Variants in ZDHHC21 observed in about 807,000 individuals in gnomAD.
The protein encoded by ZDHHC21 is palmitoyltransferase ZDHHC21.
Under a neutral mutation model 34.6 loss-of-function variants are expected in ZDHHC21, and 15 were observed. The observed-to-expected ratio is 0.43, with a 90% CI of 0.29 to 0.67. The LOEUF is 0.67. ZDHHC21 is among the 30% of genes least tolerant of loss of function. The pLI, the probability that ZDHHC21 is intolerant of heterozygous loss-of-function variation, is 0.14. For synonymous variants in ZDHHC21, 142 were observed against 101.8 expected, an observed-to-expected ratio of 1.40 and a Z score of -2.38; for missense variants, 344 against 327.7, an observed-to-expected ratio of 1.05 and a Z score of -0.38.
At chr9:14,675,669 G>A (rs542812574) in intron 3 of ZDHHC21, among the ~76,000 whole-genome samples, 85 of 151,832 alleles carry the variant, frequency 5.6e-4, no homozygotes, top group Non-Finnish European at 1.0e-3. Context: ...AAGAAGACAT[G>A]GTCTTTGCTT....
At chr9:14,674,131 A>C in intron 4 of ZDHHC21, 56 bp downstream of exon 4, 2 of 1,299,486 alleles carry the variant, frequency 1.5e-6, no homozygotes, top group South Asian at 3.9e-5. Context: ...TACACCCCAA[A>C]AACGTTTACA....
At chr9:14,594,150 G>A in the ZDHHC21 span, 1 of 152,156 alleles carries the variant, frequency 6.6e-6, no homozygotes, top group African/African-American at 2.4e-5. Flanking sequence ...GCTTTTTTCA[G>A]ATGTAGATAG....
At chr9:14,671,310 C>G (rs891125133) in intron 5 of ZDHHC21, among the ~76,000 whole-genome samples, 1 of 152,014 alleles carries the variant, frequency 6.6e-6, no homozygotes, top group Non-Finnish European at 1.5e-5. Context: ...TTAAGGGACC[C>G]TCACTCAATT....
the ZDHHC21 span, among the ~76,000 whole-genome samples, chr9:14,603,551 C>T: frequency 5.9e-5 from 9 of 152,086 alleles, no homozygotes; most frequent in Admixed American, 1.3e-4. Flanking sequence ...CAAGCACAAC[C>T]GTAACATGAA....
chr9:14,665,432 T>C (rs1834241768), intron 5 of ZDHHC21, among the ~76,000 whole-genome samples: 3 of 146,800 alleles, frequency 2.0e-5, no homozygotes, highest in South Asian at 4.5e-4. Context: ...CTGCAGGATA[T>C]TATCCAGGAG....
chr9:14,647,645 A>C (rs891492879), intron 7 of ZDHHC21, among the ~76,000 whole-genome samples: 1 of 149,342 alleles, frequency 6.7e-6, no homozygotes, highest in Non-Finnish European at 1.5e-5. Context: ...TTTATATTCC[A>C]CAGTCCATCA....
At chr9:14,667,433 T>A (rs1459725822) in intron 5 of ZDHHC21, among the ~76,000 whole-genome samples, 3 of 152,066 alleles carry the variant, frequency 2.0e-5, no homozygotes, top group African/African-American at 7.3e-5. Context: ...AAGGAGGAAC[T>A]GATACCCTTC....
At chr9:14,623,870 G>A (rs1039854576) in intron 8 of ZDHHC21, among the ~76,000 whole-genome samples, 4 of 152,044 alleles carry the variant, frequency 2.6e-5, no homozygotes, top group Non-Finnish European at 5.9e-5. Context: ...GTGGAGAAAA[G>A]GGAACCCTTA....
intron 5 of ZDHHC21, among the ~76,000 whole-genome samples, chr9:14,665,807 T>A (rs1411266965): frequency 6.8e-6 from 1 of 147,774 alleles, no homozygotes; most frequent in African/African-American, 2.5e-5. Flanking sequence ...CTGACCAATT[T>A]TGTCACCACC....
At chr9:14,656,536 G>C (rs1832246167) in intron 7 of ZDHHC21, among the ~76,000 whole-genome samples, 1 of 151,736 alleles carries the variant, frequency 6.6e-6, no homozygotes, top group Non-Finnish European at 1.5e-5. Flanking sequence ...AAGCAAAATG[G>C]TCCTGGAAAT....
chr9:14,687,323 T>C (rs903143113), intron 2 of ZDHHC21, among the ~76,000 whole-genome samples: 2 of 150,768 alleles, frequency 1.3e-5, no homozygotes, highest in Admixed American at 6.6e-5. Flanking sequence ...CGTATTTCAG[T>C]ACTAGATAAA....
the ZDHHC21 span, chr9:14,593,587 C>G: frequency 1.3e-5 from 2 of 152,134 alleles, no homozygotes; most frequent in South Asian, 2.1e-4. Flanking sequence ...AATGTTTGCT[C>G]AAGGATTAAA....
the ZDHHC21 span, among the ~76,000 whole-genome samples, chr9:14,593,148 T>C: frequency 4.6e-5 from 7 of 151,742 alleles, no homozygotes; most frequent in African/African-American, 1.7e-4. Flanking sequence ...AAATTAGAAA[T>C]CATAGCACAA....
chr9:14,692,155 T>C (rs118096683), intron 1 of ZDHHC21, among the ~76,000 whole-genome samples: 5,452 of 152,258 alleles, frequency 0.036, 161 homozygotes, highest in South Asian at 0.1. Context: ...AGAGCATCTC[T>C]CCGAATTTTA....
the ZDHHC21 span, among the ~76,000 whole-genome samples, chr9:14,605,178 A>C: frequency 6.6e-6 from 1 of 151,074 alleles, no homozygotes. Flanking sequence ...TGGGGAGTGC[A>C]AATATCTCTT....
At chr9:14,658,563 TG>T (rs1306212675) in intron 7 of ZDHHC21, among the ~76,000 whole-genome samples, 185 bp downstream of exon 7, 1 of 119,188 alleles carries the variant, frequency 8.4e-6, no homozygotes, top group Non-Finnish European at 1.6e-5. Flanking sequence ...CTCCGCCCCC[TG>T]GGGTTCACGC....
chr9:14,671,905 A>G (rs1835524198), intron 5 of ZDHHC21, among the ~76,000 whole-genome samples: 1 of 152,152 alleles, frequency 6.6e-6, no homozygotes, highest in Non-Finnish European at 1.5e-5. Flanking sequence ...GAAGGTGTTC[A>G]TTTTGTTTTA....
chr9:14,661,804 A>G (rs1453008059), intron 6 of ZDHHC21, among the ~76,000 whole-genome samples: 1 of 152,208 alleles, frequency 6.6e-6, no homozygotes, highest in African/African-American at 2.4e-5. Flanking sequence ...AGGGTGTCTG[A>G]AATGTTATTA....
the ZDHHC21 span, among the ~76,000 whole-genome samples, chr9:14,594,793 A>G: frequency 6.6e-6 from 1 of 152,222 alleles, no homozygotes; most frequent in Non-Finnish European, 1.5e-5. Context: ...CATATATCTG[A>G]TAAAGTCCTT....
Sources: allele counts gnomAD v4.1 joint callset (sites outside exome capture counted in the v4.1 genomes callset), GRCh38; gene constraint gnomAD v4.1.1; transcripts MANE v1.5; gene names NCBI Gene and HGNC (gene_info 2026-07-23, HGNC 2026-07-21).